The following KIAA1328 variants were observed in gnomAD, a reference collection of about 807,000 sequenced individuals.
KIAA1328 encodes protein hinderin.
Under a neutral mutation model 68.1 loss-of-function variants are expected in KIAA1328, and 52 were observed. The ratio of observed to expected loss-of-function variants is 0.76; its 90% CI spans 0.61 to 0.96. KIAA1328 has a LOEUF of 0.96. Ranked by LOEUF, KIAA1328 falls within the 40% of genes least tolerant of loss-of-function variation. The pLI, the probability that KIAA1328 is intolerant of heterozygous loss-of-function variation, is 0.00. For synonymous variants in KIAA1328, 232 were observed against 239.4 expected, an observed-to-expected ratio of 0.97 and a Z score of 0.28; for missense variants, 641 against 677.6, an observed-to-expected ratio of 0.95 and a Z score of 0.60.
At chr18:36,872,564 C>T (rs968314753) in intron 4 of KIAA1328, among the ~76,000 whole-genome samples, 1 of 152,098 alleles carries the variant, frequency 6.6e-6, no homozygotes, top group Admixed American at 6.5e-5. Context: ...ACCAGCCTAA[C>T]ATTTGTTAAA....
intron 7 of KIAA1328, among the ~76,000 whole-genome samples, chr18:37,088,235 G>T (rs1254701125): frequency 6.6e-6 from 1 of 152,084 alleles, no homozygotes; most frequent in Non-Finnish European, 1.5e-5. Context: ...TCTCTGTTGT[G>T]CTGTCTTCAC....
chr18:37,054,778 A>T (rs530576874), intron 6 of KIAA1328, among the ~76,000 whole-genome samples: 1 of 152,332 alleles, frequency 6.6e-6, no homozygotes, highest in South Asian at 2.1e-4. Context: ...GTACATCCAC[A>T]TAACAAATTT....
intron 7 of KIAA1328, among the ~76,000 whole-genome samples, chr18:37,073,442 A>G (rs1275947909): frequency 6.6e-6 from 1 of 152,238 alleles, no homozygotes; most frequent in Admixed American, 6.5e-5. Context: ...AATGCAAATC[A>G]AAACCACAAT....
intron 5 of KIAA1328, among the ~76,000 whole-genome samples, chr18:36,954,272 G>A (rs889960759): frequency 6.6e-5 from 10 of 152,106 alleles, no homozygotes; most frequent in African/African-American, 2.4e-4. Context: ...AAGTCTGATT[G>A]TTTCTTACAG....
At chr18:36,913,797 G>A (rs1301529379) in intron 5 of KIAA1328, among the ~76,000 whole-genome samples, 1 of 152,066 alleles carries the variant, frequency 6.6e-6, no homozygotes, top group Non-Finnish European at 1.5e-5. Flanking sequence ...CTTTTATTGA[G>A]CCTCTTTCTG....
At chr18:37,019,795 C>T (rs1418382789) in intron 6 of KIAA1328, among the ~76,000 whole-genome samples, 1 of 152,174 alleles carries the variant, frequency 6.6e-6, no homozygotes, top group Non-Finnish European at 1.5e-5. Context: ...TCTGCCTGGG[C>T]ATGGAGTGTA....
At chr18:36,926,472 G>T (rs560995917) in intron 5 of KIAA1328, among the ~76,000 whole-genome samples, 4 of 151,856 alleles carry the variant, frequency 2.6e-5, no homozygotes, top group African/African-American at 9.7e-5. Context: ...TCGTATCAGG[G>T]TCACATGATA....
At chr18:36,862,216 T>C (rs1467811061) in intron 4 of KIAA1328, among the ~76,000 whole-genome samples, 6 of 152,220 alleles carry the variant, frequency 3.9e-5, no homozygotes, top group African/African-American at 1.4e-4. Flanking sequence ...ATTTCGCCAA[T>C]TTTACATGTA....
Position 36,935,061 on chromosome 18 carries a change from A to G in KIAA1328, c.449-24247A>G, listed in dbSNP as rs564439991. On this transcript the variant is annotated intron_variant, in intron 5 of 9. Transcript: ENST00000280020. The stretch of plus-strand genomic sequence containing the variant: ...TGGAAACCCTGGGAAAGTTACAGCT[A>G]TAGTCTTTTTAGTTCTCAGTTAGGC... Among the ~76,000 whole-genome samples, 375 of 152,220 alleles carry G rather than the reference A, an allele frequency of 2.5e-3. 2 individuals are homozygous for G. Among genetic ancestry groups the G allele is most frequent in the Non-Finnish European group, 4.6e-3 (312 of 68,038 alleles).
intron 9 of KIAA1328, among the ~76,000 whole-genome samples, chr18:37,178,287 C>G (rs1047049594): frequency 6.6e-6 from 1 of 152,122 alleles, no homozygotes; most frequent in African/African-American, 2.4e-5. Flanking sequence ...ATCCCACATA[C>G]AAGTGAGATT....
At chr18:37,053,332 C>T (rs776464424) in intron 6 of KIAA1328, among the ~76,000 whole-genome samples, 126 of 152,220 alleles carry the variant, frequency 8.3e-4, no homozygotes, top group Non-Finnish European at 1.6e-3. Context: ...TATAAAAATA[C>T]ACTCAAGATG....
At chr18:37,123,436 T>C (rs2058319141) in intron 7 of KIAA1328, among the ~76,000 whole-genome samples, 1 of 152,084 alleles carries the variant, frequency 6.6e-6, no homozygotes, top group Non-Finnish European at 1.5e-5. Context: ...GAAAAGTCAA[T>C]AGAGCTGACA....
intron 6 of KIAA1328, among the ~76,000 whole-genome samples, chr18:36,985,145 C>T (rs1038775051): frequency 2.0e-5 from 3 of 151,802 alleles, no homozygotes; most frequent in African/African-American, 7.3e-5. Flanking sequence ...CTCCAAAATC[C>T]TGTTTAAAAA....
rs1047053698 is a variant in KIAA1328, at chr18:37,067,542, A to G, written c.1229A>G (p.Asn410Ser). 2 of 1,520,940 alleles carry G rather than the reference A, an allele frequency of 1.3e-6. No homozygotes were observed. Among genetic ancestry groups the G allele is most frequent in the African/African-American group, 1.4e-5 (1 of 71,894 alleles). 94.2% of individuals were successfully genotyped at this position (1,520,940 alleles called of 1,614,324 possible). A position where few individuals can be genotyped will look rare whatever the true frequency, so the allele number is the denominator to read the frequency against. ...QQLHQSRLDY[N>S]CLLKSNCDGW... is the part of the protein sequence containing the mutation. ...CTTCACCAGTCTCGACTGGATTACA[A>G]TTGGTGAGTACTGCCTGTTCTTTTT... The change falls in exon 7 of 10, where the codon AAT becomes AGT. Residue 410 changes from asparagine to serine, a missense_variant. Coordinates refer to ENST00000280020, the MANE Select transcript of KIAA1328 (RefSeq NM_020776.3).
At chr18:36,908,583 A>G (rs541051410) in intron 5 of KIAA1328, among the ~76,000 whole-genome samples, 11 of 152,144 alleles carry the variant, frequency 7.2e-5, no homozygotes, top group Non-Finnish European at 1.6e-4. Flanking sequence ...CTCAAGCAGT[A>G]TCCCCTTCGG....
chr18:36,939,177 C>T (rs1233995448), intron 5 of KIAA1328, among the ~76,000 whole-genome samples: 1 of 152,084 alleles, frequency 6.6e-6, no homozygotes. Context: ...GTGTTGATCA[C>T]TTTGGGTAGT....
chr18:37,180,459 T>G (rs1008434194), intron 9 of KIAA1328, among the ~76,000 whole-genome samples: 1 of 152,186 alleles, frequency 6.6e-6, no homozygotes, highest in Non-Finnish European at 1.5e-5. Context: ...AAAATTCTGG[T>G]TTTGGGTAGG....
At chr18:37,162,859 G>T (rs2059310673) in intron 8 of KIAA1328, among the ~76,000 whole-genome samples, 1 of 149,882 alleles carries the variant, frequency 6.7e-6, no homozygotes, top group African/African-American at 2.5e-5. Context: ...TCACCATTCT[G>T]CCAGCTTTAT....
chr18:37,070,861 G>A (rs762294543), intron 7 of KIAA1328, among the ~76,000 whole-genome samples: 1 of 151,774 alleles, frequency 6.6e-6, no homozygotes, highest in Non-Finnish European at 1.5e-5. Context: ...TCCTTTACCT[G>A]ATGCTAATAT....
Sources: allele counts gnomAD v4.1 joint callset (sites outside exome capture counted in the v4.1 genomes callset), GRCh38; gene constraint gnomAD v4.1.1; transcripts MANE v1.5; gene names NCBI Gene and HGNC (gene_info 2026-07-23, HGNC 2026-07-21).